GSR: variants seen among roughly 807,000 people sequenced by gnomAD.
The protein encoded by GSR is glutathione-disulfide reductase.
Under a neutral mutation model 56.5 loss-of-function variants are expected in GSR, and 48 were observed. The ratio of observed to expected loss-of-function variants is 0.85; its 90% CI spans 0.67 to 1.08. GSR has a LOEUF of 1.08. GSR is among the 50% of genes least tolerant of loss of function. The pLI, the probability that GSR is intolerant of heterozygous loss-of-function variation, is 0.00. For missense variants in GSR, 694 were observed against 703.3 expected, an observed-to-expected ratio of 0.99 and a Z score of 0.15; for synonymous variants, 264 against 270.8, an observed-to-expected ratio of 0.97 and a Z score of 0.25.
In GSR at chr8:30,679,616, A is replaced by C. The variant is rs1179311081; in HGVS notation, c.1473T>G (p.Phe491Leu). 6.2e-7 allele frequency: 1 copy of C among 1,613,746 alleles called. No homozygotes were observed. The highest frequency in any genetic ancestry group is 1.3e-5 in the African/African-American group (1 of 74,920). ...GLGCDEMLQG[F>L]AVAVKMGATK... ...TTGCTCCCATCTTCACTGCAACAGC[A>C]AAACCCTGCAGCATTTCATCACACC... Residue 491 changes from phenylalanine (F) to leucine (L), a missense_variant, in exon 13 of 13, where the codon TTT becomes TTG. Coordinates refer to ENST00000221130, the MANE Select transcript of GSR (RefSeq NM_000637.5).
intron 3 of GSR, among the ~76,000 whole-genome samples, chr8:30,709,221 C>CA (rs1274925337): frequency 6.6e-6 from 1 of 151,832 alleles, no homozygotes; most frequent in African/African-American, 2.4e-5. Flanking sequence ...AAAAAATAGG[C>CA]AGGCATGGTG....
Position 30,709,884 on chromosome 8 carries a change from C to T in GSR, c.352G>A (p.Val118Ile). Residue 118 changes from valine to isoleucine, a missense_variant, in exon 3 of 13, where the codon GTC becomes ATC. Physicochemically the swap from Val to Ile is conservative, Grantham distance 29. Transcript: ENST00000221130. ...TGATCATGCATGAATTCAGAGTGGA[C>T]AGCTGTGTTCCACATTACCTGTAAA... ...VPKKVMWNTA[V>I]HSEFMHDHAD... The T allele has an allele frequency of 1.4e-6, 2 of 1,381,320 alleles. No individual in the cohort carries two copies. The allele number at this position is 1,381,320 out of a possible 1,614,324, so 85.6% of individuals were successfully genotyped here.
chr8:30,685,512 A>G (rs945266617), intron 9 of GSR, among the ~76,000 whole-genome samples: 2 of 152,220 alleles, frequency 1.3e-5, no homozygotes, highest in Admixed American at 6.5e-5. Flanking sequence ...AAGCAAAACA[A>G]AACAAAAACA....
In GSR at chr8:30,689,771, C is replaced by T. The variant is rs28510299; in HGVS notation, c.883-452G>A. ...GTATATATATATATATACACACACA[C>T]ATATATATATAAAATAAATATACGT... On this transcript the variant is annotated intron_variant, in intron 8 of 12. Transcript: ENST00000221130. Among the ~76,000 whole-genome samples, 91 of 137,570 alleles carry T rather than the reference C, an allele frequency of 6.6e-4. 4 individuals are homozygous for T. Among genetic ancestry groups the T allele is most frequent in the Admixed American group, 7.7e-4 (10 of 12,920 alleles). The allele number at this position is 137,570 out of a possible 152,430, so 90.3% of individuals were successfully genotyped here. A position where few individuals can be genotyped will look rare whatever the true frequency, so the allele number is the denominator to read the frequency against.
At chr8:30,701,681 T>C (rs1803745612) in intron 5 of GSR, among the ~76,000 whole-genome samples, 1 of 148,120 alleles carries the variant, frequency 6.8e-6, no homozygotes, top group South Asian at 2.1e-4. Context: ...TAGTACCAGC[T>C]ACTAAGGAGG....
chr8:30,697,836 G>A (rs750231353), intron 6 of GSR, among the ~76,000 whole-genome samples: 3 of 152,092 alleles, frequency 2.0e-5, no homozygotes, highest in Non-Finnish European at 4.4e-5. Context: ...CTACCAGCAT[G>A]TGCCAACACA....
intron 12 of GSR, among the ~76,000 whole-genome samples, chr8:30,680,691 G>A (rs1209048314): frequency 1.3e-5 from 2 of 152,010 alleles, no homozygotes; most frequent in African/African-American, 4.8e-5. Context: ...CACCACGCCT[G>A]GCATCGTCTT....
chr8:30,703,762 A>G (rs1403462644), intron 4 of GSR, among the ~76,000 whole-genome samples: 5 of 147,484 alleles, frequency 3.4e-5, no homozygotes, highest in African/African-American at 1.3e-4. Flanking sequence ...AAAGAAGAAG[A>G]AGGAAGGAGG....
At chr8:30,696,952 G>A (rs1803562993) in intron 6 of GSR, among the ~76,000 whole-genome samples, 2 of 151,932 alleles carry the variant, frequency 1.3e-5, no homozygotes, top group Non-Finnish European at 2.9e-5. Context: ...TCTTACCTTG[G>A]CCTCCCAAAG....
At chr8:30,684,933 ATTTATT>A (rs1803106690) in intron 9 of GSR, among the ~76,000 whole-genome samples, 3 of 346 alleles carry the variant, frequency 8.7e-3, no homozygotes, top group Admixed American at 0.028. Flanking sequence ...ACATACATTT[ATTTATT>A]TATTTATTTA....
chr8:30,686,574 C>A (rs903238523), intron 9 of GSR, among the ~76,000 whole-genome samples: 2 of 152,008 alleles, frequency 1.3e-5, no homozygotes, highest in African/African-American at 2.4e-5. Flanking sequence ...GTAGTTCCTA[C>A]TACTTGGGAG....
At chr8:30,710,599 A>T (rs1804096240) in intron 2 of GSR, among the ~76,000 whole-genome samples, 1 of 150,472 alleles carries the variant, frequency 6.6e-6, no homozygotes, top group African/African-American at 2.4e-5. Flanking sequence ...GCACGCCTGT[A>T]GTCCCAGCTA....
chr8:30,694,094 T>C (rs1234309455), intron 7 of GSR, among the ~76,000 whole-genome samples: 1 of 152,146 alleles, frequency 6.6e-6, no homozygotes, highest in Non-Finnish European at 1.5e-5. Context: ...TACTTACCTA[T>C]GAAAAAATAT....
At chr8:30,693,400 T>A (rs1803450297) in intron 7 of GSR, among the ~76,000 whole-genome samples, 1 of 152,172 alleles carries the variant, frequency 6.6e-6, no homozygotes, top group Non-Finnish European at 1.5e-5. Context: ...CTGATATGAT[T>A]GAAGGGAAGA....
At chr8:30,686,261 G>C (rs1189918146) in intron 9 of GSR, among the ~76,000 whole-genome samples, 1 of 151,766 alleles carries the variant, frequency 6.6e-6, no homozygotes, top group Non-Finnish European at 1.5e-5. Flanking sequence ...CCGGTTGTTG[G>C]CAAGATTAAA....
rs932326328 is a variant in GSR at position 30,700,112 on chromosome 8, C to T, written c.664G>A (p.Asp222Asn). The T allele has an allele frequency of 1.1e-5, 17 of 1,613,196 alleles. No homozygotes were observed. The highest frequency in any genetic ancestry group is 5.3e-5 in the African/African-American group (4 of 74,898). The change falls in exon 6 of 13, where the codon GAT becomes AAT. Residue 222 changes from aspartate to asparagine, a missense_variant. Transcript: ENST00000221130. The part of the protein sequence containing the change: ...IPGASLGITS[D>N]GFFQLEELPG... ...AATTCTTCCAGCTGAAAAAATCCAT[C>T]GCTGGTTATTCCTAAGCTGGCACCT...
At chr8:30,709,739 A>C (rs1804060531) in intron 3 of GSR, 75 bp downstream of exon 3, 3 of 837,846 alleles carry the variant, frequency 3.6e-6, no homozygotes, top group Non-Finnish European at 6.2e-6. Flanking sequence ...TCCATCCCTA[A>C]AAAAGTTTAT....
At chr8:30,717,902 C>A (rs1804392128) in intron 1 of GSR, among the ~76,000 whole-genome samples, 1 of 151,880 alleles carries the variant, frequency 6.6e-6, no homozygotes. Context: ...GAGTTCAAGA[C>A]CAGCCTGGCC....
At chr8:30,690,133 T>C (rs1421390065) in intron 8 of GSR, among the ~76,000 whole-genome samples, 1 of 136,472 alleles carries the variant, frequency 7.3e-6, no homozygotes, top group East Asian at 2.1e-4. Context: ...TATATAAATA[T>C]ACATTTACAT....
Sources: allele counts gnomAD v4.1 joint callset (sites outside exome capture counted in the v4.1 genomes callset), GRCh38; gene constraint gnomAD v4.1.1; transcripts MANE v1.5; gene names NCBI Gene and HGNC (gene_info 2026-07-23, HGNC 2026-07-21).